The following LONP2 variants were observed in gnomAD, a reference collection of about 807,000 sequenced individuals.
The protein encoded by LONP2 is lon protease homolog 2, peroxisomal.
LONP2 carries 60 observed loss-of-function variants against 85.6 expected under a neutral mutation model. That is an observed-to-expected ratio of 0.70 (90% confidence interval 0.57 to 0.87). The LOEUF (loss-of-function observed/expected upper bound fraction) is 0.87. Ranked by LOEUF, LONP2 falls within the 40% of genes least tolerant of loss-of-function variation. LONP2 has a pLI of 0.00. For synonymous variants in LONP2, 395 were observed against 389.7 expected, an observed-to-expected ratio of 1.01 and a Z score of -0.16; for missense variants, 860 against 1,063.5, an observed-to-expected ratio of 0.81 and a Z score of 2.66.
chr16:48,282,455 G>A (rs984747889), intron 8 of LONP2, among the ~76,000 whole-genome samples: 5 of 150,188 alleles, frequency 3.3e-5, no homozygotes, highest in South Asian at 4.2e-4. Context: ...TGGCAACCCC[G>A]TGTCAAGCAA....
rs1597004376 is a variant in LONP2 at position 48,347,654 on chromosome 16, T to C, written c.2086T>C (p.Ser696Pro). 2 of 1,613,992 alleles carry C rather than the reference T, an allele frequency of 1.2e-6. No homozygotes were observed. Among genetic ancestry groups the C allele is most frequent in the Non-Finnish European group, 1.7e-6 (2 of 1,180,004 alleles). ...CCAGCTCGGGGACGTGATGAAGGAGTCCGCCCACCTCGCTATCAGCTGGCT... is the reference window on the plus strand; with the variant it reads ...CCAGCTCGGGGACGTGATGAAGGAGCCCGCCCACCTCGCTATCAGCTGGCT... ...TGQLGDVMKE[S>P]AHLAISWLRS... Residue 696 changes from serine (S) to proline (P), a missense_variant, in exon 13 of 15, where the codon TCC (serine) becomes CCC (proline). By Grantham distance (74) the Ser-to-Pro change is moderately conservative. Around this residue, in one of 3 missense-constraint regions of LONP2, gnomAD observed 743 missense variants for 917.3 expected, o/e 0.81. Transcript: ENST00000285737.
intron 7 of LONP2, 52 bp downstream of exon 7, chr16:48,270,326 C>T (rs759289523): frequency 6.3e-7 from 1 of 1,580,872 alleles, no homozygotes; most frequent in East Asian, 2.2e-5. Context: ...TTTTAATTGA[C>T]TAGAGCTCCC....
At chr16:48,297,435 G>A (rs1484806471) in intron 9 of LONP2, among the ~76,000 whole-genome samples, 1 of 151,710 alleles carries the variant, frequency 6.6e-6, no homozygotes, top group African/African-American at 2.4e-5. Flanking sequence ...TCAGCCTCCT[G>A]AGTAGCTGGG....
chr16:48,248,986 T>A (rs1434737165), intron 1 of LONP2, among the ~76,000 whole-genome samples: 3 of 152,198 alleles, frequency 2.0e-5, no homozygotes, highest in African/African-American at 7.2e-5. Context: ...AGTGCTGCTT[T>A]TAGATTTTCC....
chr16:48,266,206 T>C (rs1364410996), intron 6 of LONP2, among the ~76,000 whole-genome samples: 1 of 152,082 alleles, frequency 6.6e-6, no homozygotes, highest in Non-Finnish European at 1.5e-5. Flanking sequence ...GGTTTCACCA[T>C]GTTGGACAGG....
chr16:48,332,381 G>C (rs1394815079), intron 11 of LONP2, among the ~76,000 whole-genome samples: 1 of 152,122 alleles, frequency 6.6e-6, no homozygotes, highest in African/African-American at 2.4e-5. Flanking sequence ...TTCAAGACCA[G>C]CCTGGTCAAC....
intron 11 of LONP2, among the ~76,000 whole-genome samples, chr16:48,305,176 G>C (rs1447498213): frequency 2.0e-5 from 3 of 152,248 alleles, no homozygotes; most frequent in Non-Finnish European, 4.4e-5. Flanking sequence ...CCTTCATTAT[G>C]TGGAGTAGGA....
intron 10 of LONP2, among the ~76,000 whole-genome samples, chr16:48,301,050 C>T (rs1347764183): frequency 6.6e-6 from 1 of 152,166 alleles, no homozygotes; most frequent in Non-Finnish European, 1.5e-5. Context: ...AAGGAAATAT[C>T]TGGAGCAGTT....
At chr16:48,296,215 C>T (rs1274348281) in intron 9 of LONP2, 50 bp downstream of exon 9, 3 of 1,577,554 alleles carry the variant, frequency 1.9e-6, no homozygotes, top group Non-Finnish European at 1.7e-6. Flanking sequence ...CTGACCATAA[C>T]TTTAAAATTA....
intron 1 of LONP2, among the ~76,000 whole-genome samples, chr16:48,250,480 CAA>C (rs57007300): frequency 1.6e-5 from 2 of 122,046 alleles, no homozygotes; most frequent in African/African-American, 2.9e-5. Context: ...GACTCCGTCT[CAA>C]AAAAAAAAAA....
chr16:48,283,685 A>G (rs769081821), intron 8 of LONP2, among the ~76,000 whole-genome samples: 3 of 152,190 alleles, frequency 2.0e-5, no homozygotes, highest in Non-Finnish European at 4.4e-5. Context: ...GCTTCTGGTC[A>G]CCCAAGAGCT....
At chr16:48,337,798 T>C (rs1959698898) in intron 12 of LONP2, among the ~76,000 whole-genome samples, 1 of 152,202 alleles carries the variant, frequency 6.6e-6, no homozygotes, top group Admixed American at 6.5e-5. Flanking sequence ...CAAGATGTTA[T>C]AAGATACCTT....
intron 1 of LONP2, among the ~76,000 whole-genome samples, chr16:48,250,446 C>T (rs1417531244): frequency 6.6e-6 from 1 of 151,576 alleles, no homozygotes; most frequent in East Asian, 1.9e-4. Flanking sequence ...TAGGCTACTG[C>T]GCTCCAGCCT....
At chr16:48,264,266 G>A (rs1214431108) in intron 6 of LONP2, among the ~76,000 whole-genome samples, 6 of 152,154 alleles carry the variant, frequency 3.9e-5, no homozygotes, top group African/African-American at 1.4e-4. Flanking sequence ...GGAGACTGGA[G>A]TCTATCTCAC....
At chr16:48,298,937 C>G (rs1972738309) in intron 9 of LONP2, among the ~76,000 whole-genome samples, 1 of 151,656 alleles carries the variant, frequency 6.6e-6, no homozygotes, top group African/African-American at 2.4e-5. Context: ...GTTGCCCAGG[C>G]TGGAGTGCAG....
chr16:48,350,913 C>CA (rs1286222113), intron 14 of LONP2, among the ~76,000 whole-genome samples: 9 of 152,178 alleles, frequency 5.9e-5, no homozygotes, highest in African/African-American at 1.9e-4. Context: ...TGACCTCAGA[C>CA]ATTATGACTG....
chr16:48,295,408 A>G (rs1310919961), intron 8 of LONP2, among the ~76,000 whole-genome samples: 1 of 152,026 alleles, frequency 6.6e-6, no homozygotes, highest in Non-Finnish European at 1.5e-5. Context: ...GCTTATTATA[A>G]GCAGCAATGT....
rs1169232464 is a variant in LONP2 at position 48,261,328 on chromosome 16, A to T, written c.724-96A>T. ...AGATAGAGACTGTAGTCATAAAAATATTTATTCAGCACCAGTCATAATCTT... is the reference window on the plus strand; with the variant it reads ...AGATAGAGACTGTAGTCATAAAAATTTTTATTCAGCACCAGTCATAATCTT... On this transcript the variant is annotated intron_variant, in intron 4 of 14. Transcript: ENST00000285737. 8 of 865,256 alleles carry T rather than the reference A, an allele frequency of 9.2e-6. No homozygotes were observed. In the African/African-American group the frequency reaches 1.4e-4, roughly 15 times the overall value. 53.6% of individuals were successfully genotyped at this position (865,256 alleles called of 1,614,324 possible).
chr16:48,334,418 C>T, intron 12 of LONP2, 60 bp downstream of exon 12: 2 of 1,601,006 alleles, frequency 1.2e-6, no homozygotes, highest in Non-Finnish European at 1.7e-6. Context: ...TTTATTGAGG[C>T]CCCAGGGCCG....
Sources: allele counts gnomAD v4.1 joint callset (sites outside exome capture counted in the v4.1 genomes callset), GRCh38; gene constraint gnomAD v4.1.1; regional missense constraint gnomAD v4.1.1; transcripts MANE v1.5; gene names NCBI Gene and HGNC (gene_info 2026-07-23, HGNC 2026-07-21).